CLUL1: variants seen among roughly 807,000 people sequenced by gnomAD.
The protein encoded by CLUL1 is clusterin-like protein 1.
A neutral mutation model predicts 49.4 loss-of-function variants in CLUL1; 43 were observed. The observed-to-expected ratio is 0.87, with a 90% CI of 0.68 to 1.12. The LOEUF (loss-of-function observed/expected upper bound fraction) is 1.12, where lower values mean the gene tolerates loss of function less well. Among genes scored for constraint, CLUL1 ranks in the 50% most tolerant of loss-of-function variants. The pLI, the probability that CLUL1 is intolerant of heterozygous loss-of-function variation, is 0.00. For missense variants in CLUL1, 486 were observed against 544.4 expected (o/e 0.89, Z 1.07); for synonymous variants, 192 against 184.9 (o/e 1.04, Z -0.31).
intron 7 of CLUL1, among the ~76,000 whole-genome samples, chr18:637,711 A>G (rs1302262490): frequency 6.6e-6 from 1 of 152,126 alleles, no homozygotes; most frequent in Non-Finnish European, 1.5e-5. Context: ...GCAGTTGCTC[A>G]TGGCTGTAAT....
At chr18:636,909 G>A (rs944385743) in intron 7 of CLUL1, among the ~76,000 whole-genome samples, 1 of 151,874 alleles carries the variant, frequency 6.6e-6, no homozygotes, top group South Asian at 2.1e-4. Flanking sequence ...TTACAGGCGT[G>A]AGCCACCATG....
intron 7 of CLUL1, among the ~76,000 whole-genome samples, chr18:636,837 G>A (rs1331782123): frequency 6.6e-6 from 1 of 151,382 alleles, no homozygotes; most frequent in Non-Finnish European, 1.5e-5. Context: ...ATGTTGGTTA[G>A]GCTGGTGGCG....
rs1417601558 is a variant in CLUL1 at position 627,199 on chromosome 18, C to T, written c.526C>T (p.Gln176Ter). ...TGAAAAGCTCATTGAGGAAGATGCA[C>T]AATTGACCCAAATGGAGGATGTGTT... ...ISEKLIEEDA[Q>*]LTQMEDVFSQ... The change falls in exon 6 of 10, where the codon CAA becomes TAA. Residue 176 changes from glutamine to a stop codon, truncating the protein, a stop_gained. Coordinates refer to ENST00000692774, the MANE Select transcript of CLUL1 (RefSeq NM_001393344.1). LOFTEE classifies it high-confidence loss of function. 1 of 1,613,628 alleles carries T rather than the reference C, an allele frequency of 6.2e-7. No homozygotes were observed.
At chr18:598,735 A>G (rs560264908) in intron 1 of CLUL1, among the ~76,000 whole-genome samples, 126 of 152,320 alleles carry the variant, frequency 8.3e-4, no homozygotes, top group African/African-American at 2.9e-3. Context: ...AGAATTTGAA[A>G]ACAAAGCCAT....
rs117262405 is a variant in CLUL1, at chr18:625,861, C to T, written c.423+829C>T. 4.7e-3 allele frequency among the ~76,000 whole-genome samples: 719 copies of T among 152,240 alleles called. 35 individuals carry two copies. The East Asian group carries it at 0.1, about 21-fold the overall frequency. Reference sequence around the variant, plus strand: ...GGAGCAACTACTAAGATAATGAATGCGCCAAGTTAATTTGCCTCCACTATT... The same window carrying T: ...GGAGCAACTACTAAGATAATGAATGTGCCAAGTTAATTTGCCTCCACTATT... On this transcript the variant is annotated intron_variant, in intron 5 of 9. Transcript: ENST00000692774.
chr18:639,138 T>C (rs1201065492), intron 7 of CLUL1, among the ~76,000 whole-genome samples: 1 of 147,042 alleles, frequency 6.8e-6, no homozygotes, highest in Non-Finnish European at 1.5e-5. Flanking sequence ...AAAAACATGC[T>C]TCATACAGCC....
At chr18:616,031 C>G (rs377639427) in intron 2 of CLUL1, among the ~76,000 whole-genome samples, 1 of 152,162 alleles carries the variant, frequency 6.6e-6, no homozygotes, top group Admixed American at 6.5e-5. Flanking sequence ...GCTAGTCTCT[C>G]AAAACTTGCA....
intron 8 of CLUL1, among the ~76,000 whole-genome samples, chr18:642,629 C>G (rs1188902253): frequency 6.6e-6 from 1 of 152,084 alleles, no homozygotes; most frequent in Non-Finnish European, 1.5e-5. Context: ...TTGAGGGGTT[C>G]CCAAAAAGAC....
rs2073379351 is a variant in CLUL1, at chr18:618,581, A to G, written c.106+475A>G. On this transcript the variant is annotated intron_variant, in intron 3 of 9. Transcript: ENST00000692774. This position sits in a 1 kb window ranked among gnomAD's most constrained non-coding sequence, Gnocchi z 4.2. Reference sequence around the variant, plus strand: ...TATATACTTTGGGTACTTAATATATAGAAGAACAAATTAGCTAAAATGCAG... The same window carrying G: ...TATATACTTTGGGTACTTAATATATGGAAGAACAAATTAGCTAAAATGCAG... Among the ~76,000 whole-genome samples the G allele has an allele frequency of 6.6e-6, 1 of 152,180 alleles. No individual in the cohort carries two copies. The highest frequency in any genetic ancestry group is 1.5e-5 in the Non-Finnish European group (1 of 68,036).
rs2073373045 is a variant in CLUL1 at position 618,383 on chromosome 18, T to C, written c.106+277T>C. On this transcript the variant is annotated intron_variant, in intron 3 of 9. Transcript: ENST00000692774. The surrounding 1 kb of genome is among the most constrained non-coding windows in gnomAD (Gnocchi z 4.2). ...GCATTTTTTTGTATCATCCAGATGG[T>C]TGGTGTCATCTCAGCACAGCTCTAA... 6.6e-6 allele frequency among the ~76,000 whole-genome samples: 1 copy of C among 152,174 alleles called. No homozygotes were observed. Among genetic ancestry groups the C allele is most frequent in the African/African-American group, 2.4e-5 (1 of 41,424 alleles).
intron 9 of CLUL1, among the ~76,000 whole-genome samples, chr18:645,929 T>C (rs1261160954): frequency 1.4e-5 from 2 of 146,092 alleles, no homozygotes; most frequent in African/African-American, 5.0e-5. Context: ...ATACATTTTA[T>C]GAAACGTTAA....
intron 8 of CLUL1, among the ~76,000 whole-genome samples, chr18:642,479 A>G (rs1326091140): frequency 6.6e-6 from 1 of 152,146 alleles, no homozygotes; most frequent in Non-Finnish European, 1.5e-5. Context: ...TTCCACCTAT[A>G]CCATGACTCC....
At chr18:612,309 C>T (rs928608774) in intron 2 of CLUL1, among the ~76,000 whole-genome samples, 2 of 152,190 alleles carry the variant, frequency 1.3e-5, no homozygotes, top group African/African-American at 4.8e-5. Context: ...TTCTGATCTC[C>T]AGCCAATATC....
intron 2 of CLUL1, among the ~76,000 whole-genome samples, chr18:612,026 C>G (rs928682197): frequency 6.6e-6 from 1 of 152,160 alleles, no homozygotes; most frequent in African/African-American, 2.4e-5. Context: ...ACAGTCCAGT[C>G]CCATCTCCAA....
chr18:648,345 G>A (rs1325210913), intron 9 of CLUL1, among the ~76,000 whole-genome samples: 4 of 152,174 alleles, frequency 2.6e-5, no homozygotes, highest in East Asian at 3.8e-4. Flanking sequence ...CAAGGCACAC[G>A]AAGTGATTTT....
intron 2 of CLUL1, among the ~76,000 whole-genome samples, chr18:607,376 G>A (rs545284977): frequency 4.6e-5 from 7 of 152,230 alleles, no homozygotes; most frequent in East Asian, 1.9e-4. Flanking sequence ...TGATCCACCC[G>A]GCGTGGCCTC....
chr18:644,670 A>C (rs1486184423), intron 8 of CLUL1, among the ~76,000 whole-genome samples: 1 of 152,232 alleles, frequency 6.6e-6, no homozygotes. Context: ...CATGTGCTAC[A>C]GCTATGAGAT....
intron 9 of CLUL1, among the ~76,000 whole-genome samples, chr18:645,750 C>T (rs1339924701): frequency 7.8e-6 from 1 of 128,104 alleles, no homozygotes; most frequent in Non-Finnish European, 1.6e-5. Context: ...GCAGAGATCG[C>T]GCCACTGCAC....
chr18:645,525 G>A (rs962038111), intron 9 of CLUL1, among the ~76,000 whole-genome samples: 2 of 151,986 alleles, frequency 1.3e-5, no homozygotes, highest in Non-Finnish European at 2.9e-5. Context: ...GCCGGGCGCA[G>A]TGGCTCATGC....
Sources: allele counts gnomAD v4.1 joint callset (sites outside exome capture counted in the v4.1 genomes callset), GRCh38; gene constraint gnomAD v4.1.1; non-coding constraint Gnocchi (gnomAD v3.1); transcripts MANE v1.5; gene names NCBI Gene and HGNC (gene_info 2026-07-23, HGNC 2026-07-21).